The following VSIR variants were observed in gnomAD, a reference collection of about 807,000 sequenced individuals.
The protein encoded by VSIR is V-set immunoregulatory receptor.
In VSIR, 10 loss-of-function variants were observed where a neutral mutation model predicts 31.0. That is an observed-to-expected ratio of 0.32 (90% CI 0.20 to 0.55). VSIR has a LOEUF of 0.55. Ranked by LOEUF, VSIR falls within the 20% of genes least tolerant of loss-of-function variation. The pLI, the probability that VSIR is intolerant of heterozygous loss-of-function variation, is 0.93. For missense variants in VSIR, 356 were observed against 416.2 expected (o/e 0.86, Z 1.26); for synonymous variants, 179 against 180.1 (o/e 0.99, Z 0.05).
chr10:71,773,363 G>T lies in VSIR; in HGVS notation c.77C>A (p.Ser26Tyr). Residue 26 changes from serine (S) to tyrosine (Y), a missense_variant, in exon 1 of 7, where the codon TCC (serine) becomes TAC (tyrosine). This residue lies in a region of VSIR where 166 missense variants were observed against 231.0 expected (regional missense o/e 0.72). Transcript: ENST00000394957. ...CCCGCCTCCCCCGACCTTACCTAGG[G>T]ACGCAGCCAGGAAGAGAGCGAAGAG... is the stretch of plus-strand genomic sequence containing the variant. ...SLLFALFLAA[S>Y]LGPVAAFKVA... The T allele has an allele frequency of 1.9e-6, 3 of 1,607,730 alleles. No homozygotes were observed. In the Admixed American group the frequency reaches 5.0e-5, roughly 27 times the overall value.
chr10:71,751,884 G>C lies in VSIR; in HGVS notation c.705-23C>G, dbSNP rs775856574. Reference sequence around the variant, plus strand: ...TTGCTGCCACAGAACCAGAATGGAAGGTCATCTGTGCTGTCCGGAGCGTGA... The same window carrying C: ...TTGCTGCCACAGAACCAGAATGGAACGTCATCTGTGCTGTCCGGAGCGTGA... On this transcript the variant is annotated intron_variant, in intron 5 of 6. Coordinates refer to ENST00000394957, the MANE Select transcript of VSIR (RefSeq NM_022153.2). This position sits in a 1 kb window ranked among gnomAD's most constrained non-coding sequence, Gnocchi z 4.9. The C allele has an allele frequency of 2.0e-6, 3 of 1,536,866 alleles. No homozygotes were observed. Among genetic ancestry groups the C allele is most frequent in the East Asian group, 4.6e-5 (2 of 43,480 alleles).
intron 5 of VSIR, among the ~76,000 whole-genome samples, chr10:71,752,259 G>A (rs934648638): frequency 2.0e-5 from 3 of 152,214 alleles, no homozygotes; most frequent in Non-Finnish European, 4.4e-5. Context: ...TTGAGCTGAG[G>A]GGAGGGGTTC....
intron 4 of VSIR, chr10:71,755,094 T>C: frequency 1.6e-6 from 1 of 617,536 alleles, no homozygotes; most frequent in South Asian, 1.5e-5. Context: ...CATATGATCA[T>C]TCATTCAGAA....
Position 71,769,003 on chromosome 10 carries a change from A to G in VSIR, c.82+4355T>C, listed in dbSNP as rs551999705. On this transcript the variant is annotated intron_variant, in intron 1 of 6. Coordinates refer to ENST00000394957, the MANE Select transcript of VSIR (RefSeq NM_022153.2). ...TGACTACTCTCTAGAGAATAGAGGT[A>G]GCTGGGGACTGACTGGAGGCCCCAC... is the stretch of plus-strand genomic sequence containing the variant. Among the ~76,000 whole-genome samples, 6 of 152,350 alleles carry G rather than the reference A, an allele frequency of 3.9e-5. No homozygotes were observed. The South Asian group carries it at 8.3e-4, about 21-fold the overall frequency.
intron 3 of VSIR, among the ~76,000 whole-genome samples, chr10:71,759,900 T>TATACACACACAC (rs1564779295): frequency 2.2e-5 from 1 of 44,970 alleles, no homozygotes; most frequent in Non-Finnish European, 5.1e-5. Flanking sequence ...CACACACACA[T>TATACACACACAC]ATATACACAC....
chr10:71,759,056 T>G lies in VSIR; in HGVS notation c.568+1812A>C, dbSNP rs1237629717. ...GGCAAATTTTGGGTTGTTTTTTTTT[T>G]GAGATGGAGTCTTGCTCTATCAGCA... On this transcript the variant is annotated intron_variant, in intron 3 of 6. Transcript: ENST00000394957. Among the ~76,000 whole-genome samples the G allele has an allele frequency of 1.9e-4, 28 of 151,206 alleles. No homozygotes were observed. In the South Asian group the frequency reaches 2.1e-3, roughly 11 times the overall value.
chr10:71,754,312 C>T lies in VSIR; in HGVS notation c.676+1047G>A, dbSNP rs189892363. 3.5e-3 allele frequency among the ~76,000 whole-genome samples: 534 copies of T among 152,248 alleles called. 11 individuals are homozygous for T. The highest frequency in any genetic ancestry group is 6.5e-4 in the Non-Finnish European group (44 of 68,024). ...GTGGCCACAGCCCCCGAGTGACCCA[C>T]TATGGGGCTTCACGTGGGGGCCCCC... On this transcript the variant is annotated intron_variant, in intron 4 of 6. Transcript: ENST00000394957.
At chr10:71,765,493 A>T (rs1056665214) in intron 1 of VSIR, among the ~76,000 whole-genome samples, 10 of 152,128 alleles carry the variant, frequency 6.6e-5, no homozygotes, top group Non-Finnish European at 1.2e-4. Context: ...TGTTGGCCTG[A>T]GTGTCCCTGT....
At chr10:71,771,697 C>T (rs1327269819) in intron 1 of VSIR, among the ~76,000 whole-genome samples, 1 of 152,212 alleles carries the variant, frequency 6.6e-6, no homozygotes, top group Non-Finnish European at 1.5e-5. Flanking sequence ...GAAGAGATGA[C>T]CCTTTAGTAT....
At chr10:71,770,540 C>T (rs1840662644) in intron 1 of VSIR, among the ~76,000 whole-genome samples, 1 of 152,330 alleles carries the variant, frequency 6.6e-6, no homozygotes, top group South Asian at 2.1e-4. Context: ...AGTGCTGATC[C>T]CTGGCCCACC....
At chr10:71,760,115 A>ATG (rs1840305461) in intron 3 of VSIR, among the ~76,000 whole-genome samples, 1 of 95,236 alleles carries the variant, frequency 1.1e-5, no homozygotes, top group Non-Finnish European at 2.4e-5. Flanking sequence ...ACATACATAT[A>ATG]TGTGTGTATA....
chr10:71,754,169 G>C (rs1840074298), intron 4 of VSIR, among the ~76,000 whole-genome samples: 1 of 152,106 alleles, frequency 6.6e-6, no homozygotes, highest in South Asian at 2.1e-4. Flanking sequence ...GCCCAGCGTT[G>C]CTCTTCTGTT....
At chr10:71,767,433 T>C (rs554432257) in intron 1 of VSIR, among the ~76,000 whole-genome samples, 1 of 152,210 alleles carries the variant, frequency 6.6e-6, no homozygotes, top group Non-Finnish European at 1.5e-5. Flanking sequence ...TAAACAGTTA[T>C]TAATTGCCTG....
intron 5 of VSIR, chr10:71,752,198 T>C: frequency 2.3e-6 from 1 of 444,244 alleles, no homozygotes; most frequent in Non-Finnish European, 4.3e-6. Flanking sequence ...CAAGTTTCTC[T>C]TTGGTCAATA....
At position 71,761,874 on chromosome 10, in the gene VSIR, C is replaced by T. The variant is rs747452242; in HGVS notation, c.235G>A (p.Glu79Lys). The change falls in exon 2 of 7, where the codon GAG (glutamate) becomes AAG (lysine). Residue 79 changes from glutamate to lysine, a missense_variant. This residue lies in a region of VSIR where 166 missense variants were observed against 231.0 expected (regional missense o/e 0.72). Transcript: ENST00000394957. ...CGGCGCTCTGAGCAGGTCTGCACCTCGCCCCTCGAGCTGCGGTACCACGTC... is the reference window on the plus strand; with the variant it reads ...CGGCGCTCTGAGCAGGTCTGCACCTTGCCCCTCGAGCTGCGGTACCACGTC... ...YKTWYRSSRG[E>K]VQTCSERRPI... 2 of 1,614,140 alleles carry T rather than the reference C, an allele frequency of 1.2e-6. No individual in the cohort carries two copies. Among genetic ancestry groups the T allele is most frequent in the South Asian group, 1.1e-5 (1 of 91,088 alleles).
intron 4 of VSIR, among the ~76,000 whole-genome samples, chr10:71,754,037 C>T (rs80316862): frequency 0.012 from 1,766 of 152,340 alleles, 34 homozygotes; most frequent in African/African-American, 0.04. Context: ...AAACTGCCGT[C>T]CTCAAGGCTC....
intron 4 of VSIR, among the ~76,000 whole-genome samples, chr10:71,754,034 C>T (rs748291622): frequency 1.4e-4 from 21 of 152,200 alleles, no homozygotes; most frequent in Non-Finnish European, 2.1e-4. Flanking sequence ...AGCAAACTGC[C>T]GTCCTCAAGG....
intron 3 of VSIR, among the ~76,000 whole-genome samples, chr10:71,759,609 C>G (rs1163862637): frequency 1.3e-5 from 2 of 151,790 alleles, no homozygotes; most frequent in Non-Finnish European, 2.9e-5. Context: ...TAGTTTGAGA[C>G]CAGCCTGGCC....
Position 71,749,814 on chromosome 10 carries a change from C to A in VSIR, c.*1439G>T. The A allele has an allele frequency of 6.6e-6, 1 of 152,552 alleles. No homozygotes were observed. The allele number at this position is 152,552 out of a possible 1,614,324, so 9.4% of individuals were successfully genotyped here. On this transcript the variant is annotated 3_prime_UTR_variant, in exon 7 of 7. Transcript: ENST00000394957. Reference sequence around the variant, plus strand: ...GAGGTGCTCCCCTTTTCCATCCCCCCAACCCCCCAAGCAATTGGGCGAACA... The same window carrying A: ...GAGGTGCTCCCCTTTTCCATCCCCCAAACCCCCCAAGCAATTGGGCGAACA...
Sources: gnomAD v4.1 joint callset for allele counts (sites outside exome capture counted in the v4.1 genomes callset) on GRCh38, gnomAD v4.1.1 for gene constraint, gnomAD v4.1.1 regional missense constraint, Gnocchi (gnomAD v3.1) non-coding constraint, MANE v1.5 for transcripts, NCBI Gene and HGNC (gene_info 2026-07-23, HGNC 2026-07-21) for gene names.